HCN1: variants seen among roughly 807,000 people sequenced by gnomAD.
HCN1 encodes hyperpolarization activated cyclic nucleotide gated potassium channel 1, also known as potassium/sodium hyperpolarization-activated cyclic nucleotide-gated channel 1.
A neutral mutation model predicts 78.9 loss-of-function variants in HCN1; 13 were observed. The observed-to-expected ratio is 0.16, with a 90% confidence interval of 0.11 to 0.26. The LOEUF (loss-of-function observed/expected upper bound fraction) is 0.26, where lower values mean the gene tolerates loss of function less well. HCN1 is among the 10% of genes least tolerant of loss of function. HCN1 has a pLI of 1.00. For synonymous variants in HCN1, 552 were observed against 455.5 expected, an observed-to-expected ratio of 1.21 and a Z score of -2.70; for missense variants, 810 against 1,154.3, an observed-to-expected ratio of 0.70 and a Z score of 4.32.
chr5:45,322,206 C>T (rs207466008), intron 5 of HCN1, among the ~76,000 whole-genome samples: 1 of 151,804 alleles, frequency 6.6e-6, no homozygotes, highest in Non-Finnish European at 1.5e-5. Flanking sequence ...AGCCTAAGGA[C>T]ACTTAATAAA....
chr5:45,695,558 C>A lies in HCN1; in HGVS notation c.425+111G>T. On this transcript the variant is annotated intron_variant, in intron 1 of 7. Transcript: ENST00000303230. Reference sequence around the variant, plus strand: ...GCCCGAGCCGACGCCGCCGGCAGCGCCACCCCCCGCCCGCCCTCCTAGTCC... The same window carrying A: ...GCCCGAGCCGACGCCGCCGGCAGCGACACCCCCCGCCCGCCCTCCTAGTCC... 3 of 1,110,136 alleles carry A rather than the reference C, an allele frequency of 2.7e-6. No homozygotes were observed. In the South Asian group the frequency reaches 4.1e-5, roughly 15 times the overall value. The allele number at this position is 1,110,136 out of a possible 1,614,324, so 68.8% of individuals were successfully genotyped here. A position where few individuals can be genotyped will look rare whatever the true frequency, so the allele number is the denominator to read the frequency against.
At chr5:45,376,644 C>T (rs982148311) in intron 4 of HCN1, among the ~76,000 whole-genome samples, 1 of 151,822 alleles carries the variant, frequency 6.6e-6, no homozygotes, top group Non-Finnish European at 1.5e-5. Context: ...CCAACTATTC[C>T]ATGAGTCATG....
At chr5:45,507,488 C>T (rs1742329764) in intron 2 of HCN1, among the ~76,000 whole-genome samples, 2 of 152,146 alleles carry the variant, frequency 1.3e-5, no homozygotes, top group Admixed American at 6.6e-5. Flanking sequence ...CATTTTCATG[C>T]TTCTTGTTGA....
chr5:45,541,700 A>T (rs1398408111), intron 2 of HCN1, among the ~76,000 whole-genome samples: 1 of 152,222 alleles, frequency 6.6e-6, no homozygotes, highest in South Asian at 2.1e-4. Context: ...ACAAAACTTA[A>T]AAAACAGAAC....
At chr5:45,372,002 A>ATC (rs202098650) in intron 4 of HCN1, among the ~76,000 whole-genome samples, 3 of 75,892 alleles carry the variant, frequency 4.0e-5, no homozygotes, top group Non-Finnish European at 6.8e-5. Flanking sequence ...TAATATATAT[A>ATC]GTATATATCA....
intron 5 of HCN1, among the ~76,000 whole-genome samples, chr5:45,336,323 G>T (rs1215935501): frequency 2.0e-5 from 3 of 152,058 alleles, no homozygotes; most frequent in Non-Finnish European, 2.9e-5. Context: ...ATGTTTTGGG[G>T]TAACATCTTA....
intron 2 of HCN1, among the ~76,000 whole-genome samples, chr5:45,587,789 A>G (rs1176158028): frequency 2.0e-5 from 3 of 152,188 alleles, no homozygotes; most frequent in African/African-American, 7.2e-5. Context: ...TGCCTACTAA[A>G]TTTCATACAT....
chr5:45,351,986 A>T (rs1425095886), intron 5 of HCN1, among the ~76,000 whole-genome samples: 3 of 152,212 alleles, frequency 2.0e-5, no homozygotes, highest in Non-Finnish European at 4.4e-5. Context: ...TCAGGGATCT[A>T]GAACTAGAAA....
At chr5:45,438,625 A>C (rs1301609973) in intron 3 of HCN1, among the ~76,000 whole-genome samples, 1 of 151,506 alleles carries the variant, frequency 6.6e-6, no homozygotes, top group Non-Finnish European at 1.5e-5. Flanking sequence ...AAAAAGAAAA[A>C]CAAACAACAA....
At chr5:45,357,018 G>C (rs1330543723) in intron 4 of HCN1, among the ~76,000 whole-genome samples, 1 of 151,888 alleles carries the variant, frequency 6.6e-6, no homozygotes, top group East Asian at 1.9e-4. Context: ...TGGGTAATTA[G>C]CCTTCATTTA....
chr5:45,328,631 C>T (rs73099458), intron 5 of HCN1, among the ~76,000 whole-genome samples: 7 of 151,716 alleles, frequency 4.6e-5, no homozygotes, highest in South Asian at 2.1e-4. Flanking sequence ...AGAGGATTCA[C>T]GTCCCAAAGG....
intron 3 of HCN1, among the ~76,000 whole-genome samples, chr5:45,436,841 G>A (rs1293702504): frequency 6.6e-6 from 1 of 152,082 alleles, no homozygotes; most frequent in Non-Finnish European, 1.5e-5. Context: ...GAATTCCAAG[G>A]CTAACTACAT....
chr5:45,574,497 C>T (rs1743899570), intron 2 of HCN1: 1 of 152,076 alleles, frequency 6.6e-6, no homozygotes, highest in African/African-American at 2.4e-5. Flanking sequence ...CCATCTCTCT[C>T]CCTTCCTTAA....
At chr5:45,320,165 C>G (rs1746094643) in intron 5 of HCN1, among the ~76,000 whole-genome samples, 1 of 151,786 alleles carries the variant, frequency 6.6e-6, no homozygotes, top group Non-Finnish European at 1.5e-5. Context: ...CTTCTAAGAA[C>G]TTAGACATTC....
At chr5:45,442,002 A>C (rs1740688638) in intron 3 of HCN1, among the ~76,000 whole-genome samples, 1 of 152,130 alleles carries the variant, frequency 6.6e-6, no homozygotes, top group South Asian at 2.1e-4. Context: ...CAAAGTCTTT[A>C]TTTAACTTGT....
intron 1 of HCN1, among the ~76,000 whole-genome samples, chr5:45,660,870 C>A (rs1209672269): frequency 2.5e-5 from 3 of 118,610 alleles, no homozygotes; most frequent in Non-Finnish European, 3.5e-5. Flanking sequence ...CTTTAACACC[C>A]CACTGTCAAC....
At chr5:45,581,738 T>C (rs1440215723) in intron 2 of HCN1, among the ~76,000 whole-genome samples, 3 of 152,234 alleles carry the variant, frequency 2.0e-5, no homozygotes, top group African/African-American at 4.8e-5. Context: ...TTTCTGCATA[T>C]GACTATCCAG....
At chr5:45,522,720 T>C (rs559248250) in intron 2 of HCN1, among the ~76,000 whole-genome samples, 3 of 151,926 alleles carry the variant, frequency 2.0e-5, no homozygotes, top group African/African-American at 4.8e-5. Context: ...ATTGACAACA[T>C]AGACCAGGGG....
chr5:45,392,240 T>C (rs1739581482), intron 4 of HCN1, among the ~76,000 whole-genome samples: 1 of 152,132 alleles, frequency 6.6e-6, no homozygotes, highest in Non-Finnish European at 1.5e-5. Flanking sequence ...TACACAAATT[T>C]GAAATATTAG....
Sources: allele counts gnomAD v4.1 joint callset (sites outside exome capture counted in the v4.1 genomes callset), GRCh38; gene constraint gnomAD v4.1.1; transcripts MANE v1.5; gene names NCBI Gene and HGNC (gene_info 2026-07-23, HGNC 2026-07-21).